The following CAMTA1 variants were observed in gnomAD, a reference collection of about 807,000 sequenced individuals.
The protein encoded by CAMTA1 is calmodulin binding transcription activator 1, also known as calmodulin-binding transcription activator 1.
CAMTA1 carries 27 observed loss-of-function variants against 170.9 expected under a neutral mutation model. The observed-to-expected ratio is 0.16, with a 90% CI of 0.12 to 0.22. CAMTA1 has a LOEUF of 0.22. Ranked by LOEUF, CAMTA1 falls within the 10% of genes least tolerant of loss-of-function variation. The pLI is 1.00. For synonymous variants in CAMTA1, 833 were observed against 891.5 expected, an observed-to-expected ratio of 0.93 and a Z score of 1.17; for missense variants, 1,619 against 2,217.2, an observed-to-expected ratio of 0.73 and a Z score of 5.42.
Position 7,740,608 on chromosome 1 carries a change from C to T in CAMTA1, c.4182+2126C>T, listed in dbSNP as rs115800930. Among the ~76,000 whole-genome samples the T allele has an allele frequency of 4.9e-3, 748 of 152,340 alleles. 6 individuals carry two copies. The highest frequency in any genetic ancestry group is 0.017 in the African/African-American group (725 of 41,580). On this transcript the variant is annotated intron_variant, in intron 16 of 22. Coordinates refer to ENST00000303635, the MANE Select transcript of CAMTA1 (RefSeq NM_015215.4). ...CGTGCCTTCTATCCATACCACGCACCGTGGGAGACACTTGGTGCCACATGT... is the reference window on the plus strand; with the variant it reads ...CGTGCCTTCTATCCATACCACGCACTGTGGGAGACACTTGGTGCCACATGT...
rs1672317595 is a variant in CAMTA1 at position 7,286,160 on chromosome 1, TGGTG to T, written c.438+36537_438+36540del. Among the ~76,000 whole-genome samples the T allele has an allele frequency of 6.6e-6, 1 of 152,040 alleles. No homozygotes were observed. The highest frequency in any genetic ancestry group is 6.5e-5 in the Admixed American group (1 of 15,270). ...GTGCTGAGGGGATGAGTGAGCCTGC[TGGTG>T]GGGGGCAGAGAGGAAAGACCTCACA... is the stretch of plus-strand genomic sequence containing the variant. On this transcript the variant is annotated intron_variant, in intron 5 of 22. Transcript: ENST00000303635. The surrounding 1 kb of genome is among the most constrained non-coding windows in gnomAD (Gnocchi z 4.2).
At chr1:6,898,726 A>G (rs1676202548) in intron 3 of CAMTA1, among the ~76,000 whole-genome samples, 1 of 152,176 alleles carries the variant, frequency 6.6e-6, no homozygotes. Flanking sequence ...GATACTGGAA[A>G]GAGATTTTCC....
At chr1:6,936,522 G>T (rs1467262406) in intron 3 of CAMTA1, among the ~76,000 whole-genome samples, 1 of 152,052 alleles carries the variant, frequency 6.6e-6, no homozygotes, top group African/African-American at 2.4e-5. Flanking sequence ...GGGAGAGGGA[G>T]GCTCATTTCT....
At chr1:7,203,192 A>G (rs1657022703) in intron 4 of CAMTA1, among the ~76,000 whole-genome samples, 1 of 152,192 alleles carries the variant, frequency 6.6e-6, no homozygotes, top group Admixed American at 6.5e-5. Flanking sequence ...TTCCTGGGAT[A>G]AGTCTTACTT....
intron 6 of CAMTA1, among the ~76,000 whole-genome samples, chr1:7,563,198 T>G (rs781108616): frequency 6.6e-6 from 1 of 152,204 alleles, no homozygotes; most frequent in African/African-American, 2.4e-5. Flanking sequence ...CCTGGACTTT[T>G]CCTCACACAT....
intron 3 of CAMTA1, among the ~76,000 whole-genome samples, chr1:6,867,089 A>G (rs1267329142): frequency 1.3e-5 from 2 of 152,198 alleles, no homozygotes; most frequent in African/African-American, 4.8e-5. Flanking sequence ...TTGGCATACT[A>G]AGTTGTGCAT....
intron 6 of CAMTA1, among the ~76,000 whole-genome samples, chr1:7,594,858 A>T (rs925226181): frequency 6.6e-6 from 1 of 152,242 alleles, no homozygotes; most frequent in African/African-American, 2.4e-5. Flanking sequence ...CCCTCGGGTC[A>T]TATTGCAGTC....
chr1:7,471,627 T>TGACCTGCTC (rs1480562904), intron 6 of CAMTA1, among the ~76,000 whole-genome samples: 1 of 152,172 alleles, frequency 6.6e-6, no homozygotes, highest in Non-Finnish European at 1.5e-5. Context: ...ACCCAGTGGG[T>TGACCTGCTC]CAGGGGAGGA....
chr1:7,766,356 C>A, intron 22 of CAMTA1, 103 bp from the exon 23 acceptor site: 2 of 1,040,918 alleles, frequency 1.9e-6, no homozygotes, highest in South Asian at 3.1e-5. Flanking sequence ...CGGTTTTAGT[C>A]TTGGCTTTTC....
chr1:7,556,991 A>G (rs1400830883), intron 6 of CAMTA1, among the ~76,000 whole-genome samples: 1 of 152,150 alleles, frequency 6.6e-6, no homozygotes, highest in Admixed American at 6.5e-5. Flanking sequence ...AGATGAGGAG[A>G]TGGAGCATCT....
chr1:6,880,543 C>A (rs186804937), intron 3 of CAMTA1, among the ~76,000 whole-genome samples: 17 of 152,138 alleles, frequency 1.1e-4, no homozygotes, highest in African/African-American at 3.4e-4. Flanking sequence ...GGGCATGCCA[C>A]CATGCCCAGC....
intron 4 of CAMTA1, among the ~76,000 whole-genome samples, chr1:7,227,125 G>A (rs537261962): frequency 1.3e-5 from 2 of 151,740 alleles, no homozygotes; most frequent in South Asian, 4.2e-4. Flanking sequence ...GAGCCACCAC[G>A]CCCGGCCAAC....
At position 6,999,343 on chromosome 1, in the gene CAMTA1, A is replaced by G. The variant is rs143861962; in HGVS notation, c.235-91961A>G. The stretch of plus-strand genomic sequence containing the variant: ...TCATGGTTTGGCAGGCTGTACAAGC[A>G]TGGTGCTCATCACTTGGCTTCTGGA... On this transcript the variant is annotated intron_variant, in intron 3 of 22. Coordinates refer to ENST00000303635, the MANE Select transcript of CAMTA1 (RefSeq NM_015215.4). 3.6e-3 allele frequency among the ~76,000 whole-genome samples: 550 copies of G among 152,314 alleles called. 6 individuals are homozygous for G. The highest frequency in any genetic ancestry group is 0.013 in the African/African-American group (527 of 41,558).
At chr1:7,558,811 A>G (rs1443934020) in intron 6 of CAMTA1, among the ~76,000 whole-genome samples, 1 of 152,274 alleles carries the variant, frequency 6.6e-6, no homozygotes, top group Non-Finnish European at 1.5e-5. Context: ...CAGCAGCTGT[A>G]GTCATTAAGA....
In CAMTA1 at chr1:7,618,240, G is replaced by A. The variant is rs147191832; in HGVS notation, c.511-22160G>A. Among the ~76,000 whole-genome samples the A allele has an allele frequency of 5.0e-3, 758 of 152,294 alleles. 5 individuals carry two copies. The highest frequency in any genetic ancestry group is 0.017 in the African/African-American group (706 of 41,566). On this transcript the variant is annotated intron_variant, in intron 6 of 22. Transcript: ENST00000303635. Reference sequence around the variant, plus strand: ...CATATCTCTAGTGCCTGTAACTCAAGAAGGTGTTAGCTGAGTGGTCAGTGG... The same window carrying A: ...CATATCTCTAGTGCCTGTAACTCAAAAAGGTGTTAGCTGAGTGGTCAGTGG...
chr1:7,708,980 C>G (rs1350174100), intron 11 of CAMTA1, among the ~76,000 whole-genome samples: 4 of 152,038 alleles, frequency 2.6e-5, no homozygotes, highest in Non-Finnish European at 5.9e-5. Flanking sequence ...TGACTTTCAC[C>G]ACCCCATACA....
chr1:7,607,264 CTGGATGGA>C (rs1238206446), intron 6 of CAMTA1, among the ~76,000 whole-genome samples: 1 of 121,898 alleles, frequency 8.2e-6, no homozygotes, highest in African/African-American at 3.2e-5. Flanking sequence ...GGGTGGGTAG[CTGGATGGA>C]TGGATGGATG....
chr1:6,829,956 AAGT>A (rs1285749162), intron 3 of CAMTA1, among the ~76,000 whole-genome samples: 8 of 152,218 alleles, frequency 5.3e-5, no homozygotes, highest in Non-Finnish European at 1.2e-4. Context: ...TTTCTTAGGA[AAGT>A]AGTTTTGATT....
At chr1:6,945,730 T>C (rs1465357319) in intron 3 of CAMTA1, among the ~76,000 whole-genome samples, 1 of 152,178 alleles carries the variant, frequency 6.6e-6, no homozygotes, top group Non-Finnish European at 1.5e-5. Flanking sequence ...ATTCTGGACA[T>C]TTTATATAAA....
Sources: gnomAD v4.1 joint callset for allele counts (sites outside exome capture counted in the v4.1 genomes callset) on GRCh38, gnomAD v4.1.1 for gene constraint, Gnocchi (gnomAD v3.1) non-coding constraint, MANE v1.5 for transcripts, NCBI Gene and HGNC (gene_info 2026-07-23, HGNC 2026-07-21) for gene names.